TLL2: variants seen among roughly 807,000 people sequenced by gnomAD.
The protein encoded by TLL2 is tolloid-like protein 2.
In TLL2, 106 loss-of-function variants were observed where a neutral mutation model predicts 123.0. That is an observed-to-expected ratio of 0.86 (90% confidence interval 0.74 to 1.01). The LOEUF is 1.01. TLL2 is among the 50% of genes least tolerant of loss of function. TLL2 has a pLI of 0.00. For synonymous variants in TLL2, 494 were observed against 516.8 expected (o/e 0.96, Z 0.60); for missense variants, 1,332 against 1,336.7 (o/e 1.00, Z 0.06).
rs569618159 is a variant in TLL2 at position 96,469,259 on chromosome 10, C to T, written c.286+11090G>A. 5.3e-5 allele frequency among the ~76,000 whole-genome samples: 8 copies of T among 152,322 alleles called. No homozygotes were observed. The South Asian group carries it at 8.3e-4, about 16-fold the overall frequency. On this transcript the variant is annotated intron_variant, in intron 2 of 20. Transcript: ENST00000357947. ...TCCGGTCTGACTCTGACCTGGGCTC[C>T]GATATTGACTTGTGGATTTCTGTAT... is the stretch of plus-strand genomic sequence containing the variant.
At chr10:96,408,922 T>A (rs1422565508) in intron 9 of TLL2, among the ~76,000 whole-genome samples, 1 of 152,214 alleles carries the variant, frequency 6.6e-6, no homozygotes, top group African/African-American at 2.4e-5. Context: ...CAACAGCACC[T>A]ATTTCACAAA....
Position 96,480,449 on chromosome 10 carries a change from C to T in TLL2, c.186G>A (p.Trp62Ter). The T allele has an allele frequency of 6.2e-7, 1 of 1,613,972 alleles. No individual in the cohort carries two copies. Residue 62 changes from tryptophan to a stop codon, truncating the protein, a stop_gained, in exon 2 of 21, where the codon TGG becomes TGA. Transcript: ENST00000357947. LOFTEE classifies it high-confidence loss of function. ...CATCTTCATCTAAGGCAATGTCTCC[C>T]CAAAAGACAGCTGGGAAGGAAACAC... ...YHDPCKAAVF[W>*]GDIALDEDDL... is the part of the protein sequence containing the mutation.
chr10:96,375,460 C>T lies in TLL2; in HGVS notation c.2448+1232G>A, dbSNP rs535514529. On this transcript the variant is annotated intron_variant, in intron 18 of 20. Coordinates refer to ENST00000357947, the MANE Select transcript of TLL2 (RefSeq NM_012465.4). ...CTCCCAACGCCAGAAGGCGCCTCCC[C>T]CGAGGTCCTCGGGGCTCTATGTTGC... The T allele has an allele frequency of 3.9e-5, 6 of 152,296 alleles. No homozygotes were observed. In the East Asian group the frequency reaches 1.2e-3, roughly 30 times the overall value. 9.4% of individuals were successfully genotyped at this position (152,296 alleles called of 1,614,324 possible).
intron 1 of TLL2, among the ~76,000 whole-genome samples, chr10:96,510,134 CT>C (rs1004229833): frequency 1.3e-5 from 2 of 152,190 alleles, no homozygotes; most frequent in Non-Finnish European, 2.9e-5. Flanking sequence ...GAACCTAGGC[CT>C]TCTGACTTGA....
chr10:96,378,700 T>C (rs2134054083), intron 17 of TLL2, among the ~76,000 whole-genome samples: 1 of 152,148 alleles, frequency 6.6e-6, no homozygotes, highest in East Asian at 1.9e-4. Context: ...AGAGCCAGGA[T>C]TTAGACCTAG....
intron 1 of TLL2, among the ~76,000 whole-genome samples, chr10:96,512,496 C>T (rs1847641571): frequency 6.6e-6 from 1 of 152,180 alleles, no homozygotes; most frequent in Admixed American, 6.5e-5. Context: ...GCACCTGCCT[C>T]GCCGAGGGTG....
At chr10:96,476,234 A>ATTTTTTTTTTTTT (rs1232966569) in intron 2 of TLL2, among the ~76,000 whole-genome samples, 1 of 21,524 alleles carries the variant, frequency 4.6e-5, no homozygotes, top group African/African-American at 1.8e-4. Context: ...ATATATATAT[A>ATTTTTTTTTTTTT]TATATATTTT....
intron 1 of TLL2, 73 bp from the exon 2 acceptor site, chr10:96,480,532 G>C: frequency 8.2e-7 from 1 of 1,214,826 alleles, no homozygotes; most frequent in Non-Finnish European, 1.2e-6. Context: ...ATGCCCCAAA[G>C]GGCATTGGGT....
At chr10:96,373,436 C>T in intron 19 of TLL2, 160 bp downstream of exon 19, 1 of 695,800 alleles carries the variant, frequency 1.4e-6, no homozygotes, top group East Asian at 2.8e-5. Flanking sequence ...CCACCACGCC[C>T]AGCTTGATGC....
chr10:96,487,504 C>G (rs1014276647), intron 1 of TLL2, among the ~76,000 whole-genome samples: 27 of 152,136 alleles, frequency 1.8e-4, no homozygotes, highest in African/African-American at 6.3e-4. Context: ...CTATACTCAT[C>G]TAACACTTAC....
At chr10:96,501,336 C>G (rs899856217) in intron 1 of TLL2, among the ~76,000 whole-genome samples, 7 of 152,122 alleles carry the variant, frequency 4.6e-5, no homozygotes, top group African/African-American at 1.7e-4. Context: ...AGCTCCGGAC[C>G]CCTCCCACCC....
chr10:96,377,589 C>T (rs369364059), intron 17 of TLL2, among the ~76,000 whole-genome samples: 2 of 152,148 alleles, frequency 1.3e-5, no homozygotes, highest in East Asian at 1.9e-4. Context: ...AGCTGGGACT[C>T]GAACTTGGCC....
rs576428874 is a variant in TLL2 at position 96,471,932 on chromosome 10, G to A, written c.286+8417C>T. On this transcript the variant is annotated intron_variant, in intron 2 of 20. Transcript: ENST00000357947. Reference sequence around the variant, plus strand: ...TGCGTGCGTGTGTGTGTGTACCTACGAGAAGGTTCATAATGTTCGTCAGAT... The same window carrying A: ...TGCGTGCGTGTGTGTGTGTACCTACAAGAAGGTTCATAATGTTCGTCAGAT... Among the ~76,000 whole-genome samples, 20 of 152,220 alleles carry A rather than the reference G, an allele frequency of 1.3e-4. 1 individual carries two copies. Among genetic ancestry groups the A allele is most frequent in the Admixed American group, 9.8e-4 (15 of 15,290 alleles).
chr10:96,453,129 G>A (rs977877100), intron 2 of TLL2, among the ~76,000 whole-genome samples: 2 of 152,164 alleles, frequency 1.3e-5, no homozygotes, highest in African/African-American at 2.4e-5. Context: ...CACTTCATGA[G>A]GTAATTTCAC....
chr10:96,461,684 C>A (rs1311489550), intron 2 of TLL2, among the ~76,000 whole-genome samples: 2 of 152,244 alleles, frequency 1.3e-5, no homozygotes, highest in African/African-American at 4.8e-5. Context: ...TCAAGGCCCA[C>A]CTCAATCTCT....
intron 16 of TLL2, among the ~76,000 whole-genome samples, chr10:96,382,090 C>T (rs751777639): frequency 4.0e-5 from 6 of 151,440 alleles, no homozygotes; most frequent in Admixed American, 6.6e-5. Context: ...TTTTTTGAGA[C>T]GGCATCTTGC....
chr10:96,510,179 G>A (rs1847615492), intron 1 of TLL2, among the ~76,000 whole-genome samples: 1 of 152,212 alleles, frequency 6.6e-6, no homozygotes. Flanking sequence ...AGGATAGGCA[G>A]GCAGGCAGGA....
intron 3 of TLL2, among the ~76,000 whole-genome samples, chr10:96,445,130 A>C (rs559930856): frequency 2.0e-5 from 3 of 152,334 alleles, no homozygotes; most frequent in East Asian, 3.9e-4. Context: ...CGGAGCTTGC[A>C]GTGAGCTGAG....
At chr10:96,421,268 AC>A (rs1846618097) in intron 6 of TLL2, among the ~76,000 whole-genome samples, 1 of 152,024 alleles carries the variant, frequency 6.6e-6, no homozygotes, top group Non-Finnish European at 1.5e-5. Flanking sequence ...CAACCCCACC[AC>A]CCAAGACCTA....
Sources: allele counts gnomAD v4.1 joint callset (sites outside exome capture counted in the v4.1 genomes callset), GRCh38; gene constraint gnomAD v4.1.1; transcripts MANE v1.5; gene names NCBI Gene and HGNC (gene_info 2026-07-23, HGNC 2026-07-21).